The following THAP9 variants were observed in gnomAD, a reference collection of about 807,000 sequenced individuals.
THAP9 encodes THAP domain containing 9, also known as DNA transposase THAP9.
A neutral mutation model predicts 35.7 loss-of-function variants in THAP9; 20 were observed. The observed-to-expected ratio is 0.56, with a 90% CI of 0.39 to 0.81. The LOEUF (loss-of-function observed/expected upper bound fraction) is 0.81, where lower values mean the gene tolerates loss of function less well. Ranked by LOEUF, THAP9 falls within the 40% of genes least tolerant of loss-of-function variation. THAP9 has a pLI of 0.00. For synonymous variants in THAP9, 335 were observed against 373.7 expected (o/e 0.90, Z 1.19); for missense variants, 870 against 1,047.4 (o/e 0.83, Z 2.34).
intron 4 of THAP9, among the ~76,000 whole-genome samples, chr4:82,909,422 C>CTGTG (rs111834183): frequency 0.31 from 47,356 of 150,482 alleles, 8,333 homozygotes; most frequent in African/African-American, 0.48. Context: ...TATTTCCTTC[C>CTGTG]TGTGTGTGTG....
chr4:82,903,888 C>G (rs1209517011), intron 1 of THAP9, among the ~76,000 whole-genome samples: 2 of 152,120 alleles, frequency 1.3e-5, no homozygotes, highest in Non-Finnish European at 2.9e-5. Flanking sequence ...TTATAACATG[C>G]CAGATACCTT....
chr4:82,919,127 A>G lies in THAP9; in HGVS notation c.*203A>G. 2.2e-6 allele frequency: 1 copy of G among 459,764 alleles called. No individual in the cohort carries two copies. Among genetic ancestry groups the G allele is most frequent in the Non-Finnish European group, 3.8e-6 (1 of 264,656 alleles). The allele number at this position is 459,764 out of a possible 1,614,324, so 28.5% of individuals were successfully genotyped here. A position where few individuals can be genotyped will look rare whatever the true frequency, so the allele number is the denominator to read the frequency against. On this transcript the variant is annotated 3_prime_UTR_variant, in exon 5 of 5. Coordinates refer to ENST00000302236, the MANE Select transcript of THAP9 (RefSeq NM_024672.6). ...GCAGCATTTATGAGTTTTCCAAAAT[A>G]TAGAAAGCAGTAGGTCAGTAGGAGC... is the stretch of plus-strand genomic sequence containing the variant.
rs753060761 is a variant in THAP9 at position 82,907,879 on chromosome 4, A to C, written c.675A>C (p.Lys225Asn). 6.2e-7 allele frequency: 1 copy of C among 1,612,034 alleles called. No homozygotes were observed. The highest frequency in any genetic ancestry group is 1.3e-5 in the African/African-American group (1 of 74,900). Residue 225 changes from lysine to asparagine, a missense_variant, in exon 4 of 5, where the codon AAA (lysine) becomes AAC (asparagine). This residue lies in a region of THAP9 where 440 missense variants were observed against 501.2 expected (regional missense o/e 0.88). Coordinates refer to ENST00000302236, the MANE Select transcript of THAP9 (RefSeq NM_024672.6). ...GTACACTCTACTTGTGCAGTAGCAA[A>C]GTCTATGATTATGTAAGAAAGATTC... ...FACTLYLCSS[K>N]VYDYVRKILK...
chr4:82,917,391 C>T lies in THAP9; in HGVS notation c.1179C>T (p.Asp393=), dbSNP rs374016749. The change falls in exon 5 of 5, where the codon GAC becomes GAT. Residue 393 remains aspartate (D), a synonymous_variant. Coordinates refer to ENST00000302236, the MANE Select transcript of THAP9 (RefSeq NM_024672.6). ...CATTGGGGATACATATTGATGGAGA[C>T]GACATGAAATGTACATTTCAGCATC... The part of the protein sequence containing the change: ...AKALGIHIDG[D]DMKCTFQHPS... The T allele has an allele frequency of 1.9e-5, 30 of 1,613,728 alleles. No homozygotes were observed. Among genetic ancestry groups the T allele is most frequent in the East Asian group, 1.8e-4 (8 of 44,862 alleles).
Position 82,918,854 on chromosome 4 carries a change from G to A in THAP9, c.2642G>A (p.Cys881Tyr). 1.2e-6 allele frequency: 2 copies of A among 1,612,658 alleles called. No individual in the cohort carries two copies. The highest frequency in any genetic ancestry group is 1.1e-5 in the South Asian group (1 of 90,734). Residue 881 changes from cysteine (C) to tyrosine (Y), a missense_variant, in exon 5 of 5, where the codon TGT becomes TAT. Transcript: ENST00000302236. ...TGGTCATCTGTACAGGATTATAAAT[G>A]TTCAAGTTTTGCTAATACCAGTAGT... ...KHWSSVQDYK[C>Y]SSFANTSSKF...
At chr4:82,910,070 C>CT (rs1261951517) in intron 4 of THAP9, 3 of 152,012 alleles carry the variant, frequency 2.0e-5, no homozygotes, top group Non-Finnish European at 4.4e-5. Context: ...AACTTCTTAT[C>CT]TTTTCTTTTT....
intron 4 of THAP9, among the ~76,000 whole-genome samples, chr4:82,908,793 G>A (rs1310716718): frequency 6.6e-6 from 1 of 152,096 alleles, no homozygotes; most frequent in Non-Finnish European, 1.5e-5. Context: ...ACGGGATTTT[G>A]CTTTGTTGGC....
chr4:82,904,058 C>CTTTTTTTTTTTTTTTT (rs59655406), intron 1 of THAP9, among the ~76,000 whole-genome samples: 3 of 82,210 alleles, frequency 3.6e-5, no homozygotes, highest in Non-Finnish European at 2.4e-5. Context: ...TAGGCTCCCC[C>CTTTTTTTTTTTTTTTT]TTTTTTTTTT....
rs555953680 is a variant in THAP9 at position 82,908,311 on chromosome 4, T to TA, written c.731+377dup. 1.4e-4 allele frequency among the ~76,000 whole-genome samples: 22 copies of TA among 152,208 alleles called. No homozygotes were observed. The South Asian group carries it at 1.9e-3, about 13-fold the overall frequency. On this transcript the variant is annotated intron_variant, in intron 4 of 4. Coordinates refer to ENST00000302236, the MANE Select transcript of THAP9 (RefSeq NM_024672.6). Reference sequence around the variant, plus strand: ...TTTCTAGTATACTTCAGTAGTTTAATATCTGACGATCCTGGAAAATCTAGA... The same window carrying TA: ...TTTCTAGTATACTTCAGTAGTTTAATAATCTGACGATCCTGGAAAATCTAGA...
chr4:82,909,173 G>C (rs1238119354), intron 4 of THAP9, among the ~76,000 whole-genome samples: 2 of 152,098 alleles, frequency 1.3e-5, no homozygotes, highest in Non-Finnish European at 2.9e-5. Flanking sequence ...CCAAAGTGCT[G>C]GGATTACAGA....
Position 82,918,540 on chromosome 4 carries a change from G to A in THAP9, c.2328G>A (p.Glu776=), listed in dbSNP as rs1044922163. ...ESLCRVINIC[E]RVVRTHSRMA... ...TGTGTCGGGTCATAAATATTTGTGA[G>A]CGAGTTGTAAGAACCCATTCAAGAA... The change falls in exon 5 of 5, where the codon GAG becomes GAA. Residue 776 remains glutamate (E), a synonymous_variant. Coordinates refer to ENST00000302236, the MANE Select transcript of THAP9 (RefSeq NM_024672.6). 1.2e-5 allele frequency: 19 copies of A among 1,614,034 alleles called. No homozygotes were observed. Among genetic ancestry groups the A allele is most frequent in the Non-Finnish European group, 1.5e-5 (18 of 1,180,000 alleles).
At chr4:82,901,235 C>A in intron 1 of THAP9, 3 of 521,468 alleles carry the variant, frequency 5.8e-6, no homozygotes, top group Admixed American at 4.5e-5. Context: ...GTGGCGTCTT[C>A]CTGAGCACGA....
chr4:82,908,458 T>C (rs991240153), intron 4 of THAP9, among the ~76,000 whole-genome samples: 1 of 152,268 alleles, frequency 6.6e-6, no homozygotes, highest in African/African-American at 2.4e-5. Context: ...AATAATTTTT[T>C]AGGATTTGTG....
At chr4:82,902,554 G>A (rs1009252224) in intron 1 of THAP9, among the ~76,000 whole-genome samples, 1 of 152,160 alleles carries the variant, frequency 6.6e-6, no homozygotes, top group African/African-American at 2.4e-5. Flanking sequence ...GACCACGCTA[G>A]TAATAGAAGT....
At chr4:82,911,966 A>G (rs531232503) in intron 4 of THAP9, among the ~76,000 whole-genome samples, 2 of 152,346 alleles carry the variant, frequency 1.3e-5, no homozygotes, top group African/African-American at 4.8e-5. Context: ...AAATTTTTTT[A>G]AAACCCTTGG....
Position 82,917,127 on chromosome 4 carries a change from TG to T in THAP9, c.917del (p.Gly306ValfsTer19), listed in dbSNP as rs1351308238. Reference protein sequence around the residue: ...SHSLQGFMDFGLGKLDADETP... With the variant: ...SHSLQGFMDFXLGKLDADETP... ...ACAGTTTGCAGGGGTTTATGGACTT[TG>T]GTCTTGGAAAACTTGATGCTGATGA... On this transcript the variant is annotated frameshift_variant, in exon 5 of 5. Coordinates refer to ENST00000302236, the MANE Select transcript of THAP9 (RefSeq NM_024672.6). LOFTEE classifies it low-confidence loss of function (END_TRUNC). 1.2e-6 allele frequency: 2 copies of T among 1,613,322 alleles called. No individual in the cohort carries two copies. The highest frequency in any genetic ancestry group is 2.7e-5 in the African/African-American group (2 of 74,914).
chr4:82,918,552 A>T lies in THAP9; in HGVS notation c.2340A>T (p.Arg780Ser). 6.2e-7 allele frequency: 1 copy of T among 1,614,092 alleles called. No homozygotes were observed. The highest frequency in any genetic ancestry group is 8.5e-7 in the Non-Finnish European group (1 of 1,179,968). ...RVINICERVV[R>S]THSRMAIFEL... ...TAAATATTTGTGAGCGAGTTGTAAG[A>T]ACCCATTCAAGAATGGCAATTTTTG... Residue 780 changes from arginine to serine, a missense_variant, in exon 5 of 5, where the codon AGA becomes AGT. By Grantham distance (110) the Arg-to-Ser change is moderately radical. Transcript: ENST00000302236.
intron 4 of THAP9, among the ~76,000 whole-genome samples, chr4:82,916,102 A>G (rs1458849209): frequency 2.6e-5 from 4 of 152,098 alleles, no homozygotes; most frequent in Non-Finnish European, 5.9e-5. Flanking sequence ...AAAAAATCAG[A>G]AATTTAACTT....
chr4:82,902,074 T>G (rs1720426532), intron 1 of THAP9, among the ~76,000 whole-genome samples: 1 of 151,646 alleles, frequency 6.6e-6, no homozygotes. Flanking sequence ...GTTATGCTAG[T>G]TAGATTACAA....
Sources: gnomAD v4.1 joint callset for allele counts (sites outside exome capture counted in the v4.1 genomes callset) on GRCh38, gnomAD v4.1.1 for gene constraint, gnomAD v4.1.1 regional missense constraint, MANE v1.5 for transcripts, NCBI Gene and HGNC (gene_info 2026-07-23, HGNC 2026-07-21) for gene names.